Variants in NOL4 observed in about 807,000 individuals in gnomAD.
NOL4 encodes nucleolar protein 4.
A neutral mutation model predicts 75.9 loss-of-function variants in NOL4; 17 were observed. The ratio of observed to expected loss-of-function variants is 0.22; its 90% CI spans 0.15 to 0.34. The LOEUF is 0.34. NOL4 is among the 10% of genes least tolerant of loss of function. The probability of loss-of-function intolerance (pLI) is 1.00; values close to 1 mark genes in which losing one functional copy is unlikely to be tolerated. For missense variants in NOL4, 614 were observed against 793.5 expected (o/e 0.77, Z 2.72); for synonymous variants, 292 against 289.9 (o/e 1.01, Z -0.07).
intron 1 of NOL4, among the ~76,000 whole-genome samples, chr18:34,202,300 T>G (rs927211333): frequency 1.3e-5 from 2 of 151,912 alleles, no homozygotes; most frequent in Non-Finnish European, 2.9e-5. Flanking sequence ...TTTTAGCATA[T>G]CCCTGTTAGT....
At chr18:34,024,456 G>GA (rs1216560352) in intron 5 of NOL4, among the ~76,000 whole-genome samples, 3 of 150,930 alleles carry the variant, frequency 2.0e-5, no homozygotes, top group South Asian at 4.2e-4. Context: ...ATCCAAAAAA[G>GA]AAAAAAAATT....
intron 1 of NOL4, among the ~76,000 whole-genome samples, chr18:34,137,679 C>A (rs554483102): frequency 2.8e-4 from 42 of 151,730 alleles, no homozygotes; most frequent in Admixed American, 4.6e-4. Context: ...GGTGGGAATG[C>A]AAAATAATGC....
At chr18:33,951,332 T>C (rs1196214248) in intron 8 of NOL4, among the ~76,000 whole-genome samples, 1 of 152,160 alleles carries the variant, frequency 6.6e-6, no homozygotes, top group Admixed American at 6.5e-5. Flanking sequence ...TTTTTCTTAG[T>C]ACTTTGAAGA....
chr18:33,983,628 A>T (rs1386887326), intron 6 of NOL4, among the ~76,000 whole-genome samples: 1 of 152,060 alleles, frequency 6.6e-6, no homozygotes. Flanking sequence ...ATATACACAT[A>T]TATGCACACA....
chr18:34,163,003 C>T (rs1028853540), intron 1 of NOL4, among the ~76,000 whole-genome samples: 12 of 152,306 alleles, frequency 7.9e-5, no homozygotes, highest in Non-Finnish European at 1.6e-4. Context: ...GTGATTATCT[C>T]AATAGATGCA....
chr18:34,091,195 C>CAAA (rs56398038), intron 5 of NOL4, among the ~76,000 whole-genome samples: 1 of 122,742 alleles, frequency 8.1e-6, no homozygotes. Context: ...ACTAAAAATA[C>CAAA]AAAAAAAAAA....
chr18:34,036,538 G>A (rs1267617239), intron 5 of NOL4, among the ~76,000 whole-genome samples: 2 of 152,132 alleles, frequency 1.3e-5, no homozygotes, highest in Non-Finnish European at 2.9e-5. Context: ...TTTTCCTTAA[G>A]ATATGAAACA....
intron 10 of NOL4, among the ~76,000 whole-genome samples, chr18:33,861,399 T>G (rs1272145201): frequency 6.6e-6 from 1 of 152,242 alleles, no homozygotes; most frequent in Non-Finnish European, 1.5e-5. Flanking sequence ...CCATTTCTTC[T>G]GGATTTTCAA....
intron 6 of NOL4, among the ~76,000 whole-genome samples, chr18:33,961,413 G>A (rs2070117510): frequency 6.6e-6 from 1 of 152,054 alleles, no homozygotes; most frequent in Non-Finnish European, 1.5e-5. Context: ...TATTCTGCCT[G>A]ACTGCTGAGC....
intron 4 of NOL4, among the ~76,000 whole-genome samples, chr18:34,094,181 A>G (rs745663610): frequency 6.6e-6 from 1 of 152,254 alleles, no homozygotes; most frequent in Non-Finnish European, 1.5e-5. Flanking sequence ...TGTAACATAA[A>G]GAGAAATACA....
intron 8 of NOL4, among the ~76,000 whole-genome samples, chr18:33,945,216 G>A (rs1252272776): frequency 6.6e-6 from 1 of 151,622 alleles, no homozygotes; most frequent in Non-Finnish European, 1.5e-5. Context: ...AGAGCCACAT[G>A]GGATTCAGAG....
chr18:34,203,752 C>T (rs1020727787), intron 1 of NOL4, among the ~76,000 whole-genome samples: 1 of 145,204 alleles, frequency 6.9e-6, no homozygotes, highest in South Asian at 2.2e-4. Context: ...CACACACACA[C>T]GGCCCTTTCT....
At chr18:34,045,647 C>T (rs1370262611) in intron 5 of NOL4, among the ~76,000 whole-genome samples, 1 of 152,104 alleles carries the variant, frequency 6.6e-6, no homozygotes, top group Non-Finnish European at 1.5e-5. Flanking sequence ...ACATAATTTT[C>T]CTGAGACATA....
intron 1 of NOL4, among the ~76,000 whole-genome samples, chr18:34,149,677 A>G (rs1488410086): frequency 6.6e-6 from 1 of 151,648 alleles, no homozygotes; most frequent in Admixed American, 6.6e-5. Context: ...TTGTCTTTCT[A>G]TTCTCCAGTT....
rs748331475 is a variant in NOL4, at chr18:34,093,613, A to C, written c.640-16T>G. 1.1e-4 allele frequency: 174 copies of C among 1,553,340 alleles called. No homozygotes were observed. The highest frequency in any genetic ancestry group is 1.4e-4 in the Non-Finnish European group (164 of 1,141,514). On this transcript the variant is annotated splice_polypyrimidine_tract_variant and intron_variant, in intron 4 of 10. Coordinates refer to ENST00000261592, the MANE Select transcript of NOL4 (RefSeq NM_003787.5). ...AACTTTCATCCTGAAAATAGTTTTA[A>C]AATATCATCAAGCATTTTAACGTAT...
At chr18:33,868,487 C>G (rs1180575907) in intron 10 of NOL4, among the ~76,000 whole-genome samples, 2 of 151,880 alleles carry the variant, frequency 1.3e-5, no homozygotes, top group African/African-American at 4.8e-5. Flanking sequence ...TTACAATATC[C>G]CAAAGGGAAG....
chr18:34,150,394 A>C (rs79617814), intron 1 of NOL4, among the ~76,000 whole-genome samples: 2,979 of 151,846 alleles, frequency 0.02, 34 homozygotes, highest in Non-Finnish European at 0.025. Context: ...AGAACAAACG[A>C]GTATCAGTAG....
intron 1 of NOL4, among the ~76,000 whole-genome samples, chr18:34,204,176 C>T (rs2035958562): frequency 6.6e-6 from 1 of 152,140 alleles, no homozygotes; most frequent in East Asian, 1.9e-4. Context: ...AACATACATG[C>T]TATTTCTCCC....
chr18:34,116,462 C>A (rs1309543988), intron 2 of NOL4, among the ~76,000 whole-genome samples: 1 of 152,208 alleles, frequency 6.6e-6, no homozygotes, highest in Non-Finnish European at 1.5e-5. Flanking sequence ...TAGCCTTCGC[C>A]TTTAACACAA....
Sources: allele counts gnomAD v4.1 joint callset (sites outside exome capture counted in the v4.1 genomes callset), GRCh38; gene constraint gnomAD v4.1.1; transcripts MANE v1.5; gene names NCBI Gene and HGNC (gene_info 2026-07-23, HGNC 2026-07-21).